GBP5: variants seen among roughly 807,000 people sequenced by gnomAD.
The protein encoded by GBP5 is guanylate-binding protein 5.
In GBP5, 48 loss-of-function variants were observed where a neutral mutation model predicts 58.2. The ratio of observed to expected loss-of-function variants is 0.83; its 90% CI spans 0.65 to 1.05. The LOEUF is 1.05. Ranked by LOEUF, GBP5 falls within the 50% of genes least tolerant of loss-of-function variation. GBP5 has a pLI of 0.00. For synonymous variants in GBP5, 248 were observed against 251.8 expected (o/e 0.98, Z 0.14); for missense variants, 714 against 686.8 (o/e 1.04, Z -0.44).
chr1:89,263,071 T>A (rs751893579), intron 9 of GBP5: 5 of 255,390 alleles, frequency 2.0e-5, no homozygotes, highest in Non-Finnish European at 1.5e-5. Flanking sequence ...AAGGACTTGT[T>A]CACAGGGAGA....
chr1:89,259,920 T>C lies in GBP5; in HGVS notation c.*784A>G, dbSNP rs1486052277. ...CGGTGTCTGCCTCCTCAGATTTCTG[T>C]AGAGCAGCCCAGCAGGTTAATAAAT... On this transcript the variant is annotated 3_prime_UTR_variant, in exon 12 of 12. Coordinates refer to ENST00000370459, the MANE Select transcript of GBP5 (RefSeq NM_052942.5). 1 of 152,354 alleles carries C rather than the reference T, an allele frequency of 6.6e-6. No homozygotes were observed. The highest frequency in any genetic ancestry group is 1.5e-5 in the Non-Finnish European group (1 of 68,248). 9.4% of individuals were successfully genotyped at this position (152,354 alleles called of 1,614,324 possible).
chr1:89,269,293 T>G, intron 3 of GBP5, 73 bp downstream of exon 3: 2 of 1,430,870 alleles, frequency 1.4e-6, no homozygotes, highest in South Asian at 2.4e-5. Flanking sequence ...ACTCTCTCCT[T>G]GCTTCCTCGT....
intron 8 of GBP5, 103 bp from the exon 9 acceptor site, chr1:89,264,051 C>T: frequency 1.3e-6 from 1 of 741,008 alleles, no homozygotes; most frequent in Non-Finnish European, 2.2e-6. Context: ...AAACTTAGAG[C>T]AAGACACATA....
intron 10 of GBP5, 122 bp from the exon 11 acceptor site, chr1:89,262,523 G>T: frequency 1.0e-6 from 1 of 984,358 alleles, no homozygotes; most frequent in Non-Finnish European, 1.5e-6. Flanking sequence ...TCCCTTCCAG[G>T]TAACCACAAT....
At chr1:89,261,321 G>C (rs1252356436) in intron 11 of GBP5, among the ~76,000 whole-genome samples, 1 of 152,204 alleles carries the variant, frequency 6.6e-6, no homozygotes, top group African/African-American at 2.4e-5. Context: ...TTAGGAAGGA[G>C]CTGCAATCAG....
At chr1:89,270,671 A>G (rs1195736038) in intron 2 of GBP5, 84 bp downstream of exon 2, 1 of 152,228 alleles carries the variant, frequency 6.6e-6, no homozygotes, top group Non-Finnish European at 1.5e-5. Context: ...CCTGACCCAG[A>G]AAGAGGCAAT....
rs1040061871 is a variant in GBP5 at position 89,256,895 on chromosome 1, A to T, written c.*3809T>A. On this transcript the variant is annotated 3_prime_UTR_variant, in exon 12 of 12. Transcript: ENST00000370459. ...TATTCCTATAAAGTCTATTTTTTGGACTTTCTATTCTGTTGGTGATCGTTA... is the reference window on the plus strand; with the variant it reads ...TATTCCTATAAAGTCTATTTTTTGGTCTTTCTATTCTGTTGGTGATCGTTA... Among the ~76,000 whole-genome samples, 5 of 151,982 alleles carry T rather than the reference A, an allele frequency of 3.3e-5. No homozygotes were observed. Among genetic ancestry groups the T allele is most frequent in the Non-Finnish European group, 2.9e-5 (2 of 67,974 alleles).
chr1:89,264,974 G>C lies in GBP5; in HGVS notation c.869-8C>G, dbSNP rs774370487. 4.4e-6 allele frequency: 7 copies of C among 1,600,962 alleles called. No individual in the cohort carries two copies. The Admixed American group carries it at 1.2e-4, about 27-fold the overall frequency. On this transcript the variant is annotated splice_region_variant and splice_polypyrimidine_tract_variant and intron_variant, in intron 7 of 11. Transcript: ENST00000370459. ...GCACCAGGTTCTTTAGACCTTCATG[G>C]AAGAAAGAAACATTTATATTATTTG...
intron 8 of GBP5, among the ~76,000 whole-genome samples, chr1:89,264,404 A>T (rs1048599761): frequency 1.3e-5 from 2 of 152,234 alleles, no homozygotes; most frequent in African/African-American, 4.8e-5. Context: ...AGAAAATTTA[A>T]TACTTTGTAA....
At chr1:89,267,851 C>T (rs1328436973) in intron 4 of GBP5, among the ~76,000 whole-genome samples, 2 of 152,100 alleles carry the variant, frequency 1.3e-5, no homozygotes, top group Non-Finnish European at 2.9e-5. Context: ...TAACCAGTAT[C>T]AATAATGCAG....
rs998396842 is a variant in GBP5, at chr1:89,256,618, G to A, written c.*4086C>T. Among the ~76,000 whole-genome samples the A allele has an allele frequency of 6.6e-6, 1 of 152,174 alleles. No homozygotes were observed. Among genetic ancestry groups the A allele is most frequent in the African/African-American group, 2.4e-5 (1 of 41,432 alleles). ...TTGTGTTGAAACTGACTGAGACATG[G>A]GGTCAAGAGAGATTTCAAGAGTTTT... On this transcript the variant is annotated 3_prime_UTR_variant, in exon 12 of 12. Coordinates refer to ENST00000370459, the MANE Select transcript of GBP5 (RefSeq NM_052942.5).
At position 89,256,297 on chromosome 1, in the gene GBP5, A is replaced by G. The variant is rs778911503; in HGVS notation, c.*4407T>C. 7.2e-5 allele frequency among the ~76,000 whole-genome samples: 11 copies of G among 152,186 alleles called. No individual in the cohort carries two copies. The highest frequency in any genetic ancestry group is 2.4e-5 in the African/African-American group (1 of 41,432). ...TTGAAAACAGGCCAAACAAAATTACATTACTTAGGAGCTCACATGTTTATA... is the reference window on the plus strand; with the variant it reads ...TTGAAAACAGGCCAAACAAAATTACGTTACTTAGGAGCTCACATGTTTATA... On this transcript the variant is annotated 3_prime_UTR_variant, in exon 12 of 12. Transcript: ENST00000370459.
rs964444927 is a variant in GBP5 at position 89,260,460 on chromosome 1, T to A, written c.*244A>T. ...CAATATCACGCATAAATGAAGGCAG[T>A]GATACAATGTCCCTTATACAATTTA... On this transcript the variant is annotated 3_prime_UTR_variant, in exon 12 of 12. Coordinates refer to ENST00000370459, the MANE Select transcript of GBP5 (RefSeq NM_052942.5). 1 of 347,150 alleles carries A rather than the reference T, an allele frequency of 2.9e-6. No homozygotes were observed. Among genetic ancestry groups the A allele is most frequent in the African/African-American group, 2.1e-5 (1 of 47,538 alleles). 21.5% of individuals were successfully genotyped at this position (347,150 alleles called of 1,614,324 possible). A position where few individuals can be genotyped will look rare whatever the true frequency, so the allele number is the denominator to read the frequency against.
chr1:89,258,922 T>G lies in GBP5; in HGVS notation c.*1782A>C, dbSNP rs1375301277. 1 of 152,132 alleles carries G rather than the reference T, an allele frequency of 6.6e-6. No individual in the cohort carries two copies. The highest frequency in any genetic ancestry group is 1.5e-5 in the Non-Finnish European group (1 of 67,990). 9.4% of individuals were successfully genotyped at this position (152,132 alleles called of 1,614,324 possible). A position where few individuals can be genotyped will look rare whatever the true frequency, so the allele number is the denominator to read the frequency against. On this transcript the variant is annotated 3_prime_UTR_variant, in exon 12 of 12. Transcript: ENST00000370459. The stretch of plus-strand genomic sequence containing the variant: ...AGTCTTTCTCTATAGACTTTTAACT[T>G]TGAGAAAAATACAAACAAAGGAACT...
rs376623929 is a variant in GBP5 at position 89,262,350 on chromosome 1, G to T, written c.1517C>A (p.Ala506Glu). The change falls in exon 11 of 12, where the codon GCG (alanine) becomes GAG (glutamate). Residue 506 changes from alanine to glutamate, a missense_variant. Transcript: ENST00000370459. Reference sequence around the variant, plus strand: ...CATTTGCTCGTTCTGCCTTTGAATCGCCGCCAACCTTTGCGCTTCAGCCTT... The same window carrying T: ...CATTTGCTCGTTCTGCCTTTGAATCTCCGCCAACCTTTGCGCTTCAGCCTT... The part of the protein sequence containing the change: ...AEKAEAQRLA[A>E]IQRQNEQMMQ... 1 of 1,613,872 alleles carries T rather than the reference G, an allele frequency of 6.2e-7. No individual in the cohort carries two copies. The highest frequency in any genetic ancestry group is 8.5e-7 in the Non-Finnish European group (1 of 1,179,922).
In GBP5 at chr1:89,258,123, G is replaced by C. The variant is rs1196706561; in HGVS notation, c.*2581C>G. ...CTGTGAGATCAGAGTATTTGGGGAT[G>C]AGTGGGATCCAGGGAAGCTGGTGGG... is the stretch of plus-strand genomic sequence containing the variant. On this transcript the variant is annotated 3_prime_UTR_variant, in exon 12 of 12. Coordinates refer to ENST00000370459, the MANE Select transcript of GBP5 (RefSeq NM_052942.5). 6.6e-6 allele frequency among the ~76,000 whole-genome samples: 1 copy of C among 152,210 alleles called. No individual in the cohort carries two copies. The highest frequency in any genetic ancestry group is 1.5e-5 in the Non-Finnish European group (1 of 68,024).
In GBP5 at chr1:89,267,496, C is replaced by A. The variant is rs1203058483; in HGVS notation, c.349G>T (p.Ala117Ser). ...ADNKNDIQIF[A>S]LALLLSSTFV... ...GTGCTGCTCAGTAAGAGTGCCAGTG[C>A]AAAGATCTGGATATCATTCTTGTTG... Residue 117 changes from alanine (A) to serine (S), a missense_variant, in exon 5 of 12, where the codon GCA (alanine) becomes TCA (serine). Ala to Ser is a moderately conservative substitution (Grantham distance 99, BLOSUM62 1). Transcript: ENST00000370459. 2.5e-6 allele frequency: 4 copies of A among 1,613,678 alleles called. No individual in the cohort carries two copies. The highest frequency in any genetic ancestry group is 1.3e-5 in the African/African-American group (1 of 74,884).
Position 89,267,167 on chromosome 1 carries a change from A to G in GBP5, c.429-14T>C. On this transcript the variant is annotated splice_polypyrimidine_tract_variant and intron_variant, in intron 5 of 11. Coordinates refer to ENST00000370459, the MANE Select transcript of GBP5 (RefSeq NM_052942.5). ...TCTGTCACATTGCTGAGATGCAATT[A>G]AAGAAAACTGGCAGAAATAGGACCA... The G allele has an allele frequency of 1.9e-6, 3 of 1,568,686 alleles. No homozygotes were observed. The highest frequency in any genetic ancestry group is 2.6e-6 in the Non-Finnish European group (3 of 1,160,382).
At position 89,262,256 on chromosome 1, in the gene GBP5, C is replaced by T; in HGVS notation, c.1611G>A (p.Leu537=). 1 of 1,614,152 alleles carries T rather than the reference C, an allele frequency of 6.2e-7. No homozygotes were observed. Among genetic ancestry groups the T allele is most frequent in the East Asian group, 2.2e-5 (1 of 44,880 alleles). Residue 537 remains leucine (L), a synonymous_variant, in exon 11 of 12, where the codon CTG becomes CTA. Coordinates refer to ENST00000370459, the MANE Select transcript of GBP5 (RefSeq NM_052942.5). ...RQMEIAKQNW[L]AEQQKMQEQQ... ...GTTCCTGCATTTTCTGTTGCTCTGC[C>T]AGCCAATTTTGTTTGGCTATCTCCA...
Sources: allele counts gnomAD v4.1 joint callset (sites outside exome capture counted in the v4.1 genomes callset), GRCh38; gene constraint gnomAD v4.1.1; transcripts MANE v1.5; gene names NCBI Gene and HGNC (gene_info 2026-07-23, HGNC 2026-07-21).